The following PHTF1 variants were observed in gnomAD, a reference collection of about 807,000 sequenced individuals.
The protein encoded by PHTF1 is putative homeodomain transcription factor 1.
In PHTF1, 88 loss-of-function variants were observed where a neutral mutation model predicts 102.4. The observed-to-expected ratio is 0.86, with a 90% CI of 0.72 to 1.03. The LOEUF (loss-of-function observed/expected upper bound fraction) is 1.03. PHTF1 is among the 50% of genes least tolerant of loss of function. The pLI is 0.00. For missense variants in PHTF1, 814 were observed against 909.5 expected, an observed-to-expected ratio of 0.89 and a Z score of 1.35; for synonymous variants, 289 against 305.2, an observed-to-expected ratio of 0.95 and a Z score of 0.55.
chr1:113,758,975 G>T (rs1659300632), intron 1 of PHTF1, 48 bp downstream of exon 1: 2 of 1,105,328 alleles, frequency 1.8e-6, no homozygotes, highest in Non-Finnish European at 2.2e-6. Context: ...GCCGCCGCTG[G>T]AGTCGCCCGG....
chr1:113,699,720 G>A lies in PHTF1; in HGVS notation c.2126C>T (p.Ser709Phe). The change falls in exon 17 of 19, where the codon TCC becomes TTC. Residue 709 changes from serine to phenylalanine, a missense_variant. Ser to Phe is a radical substitution (Grantham distance 155). Transcript: ENST00000369604. ...LTLVNNVLKL[S>F]TKLLKELDTP... ...ATGACTTACTTTCAACAACTTGGTG[G>A]ACAGCTTTAATACATTGTTTACTAG... 1 of 1,437,784 alleles carries A rather than the reference G, an allele frequency of 7.0e-7. No homozygotes were observed. Among genetic ancestry groups the A allele is most frequent in the South Asian group, 1.2e-5 (1 of 82,820 alleles). 89.1% of individuals were successfully genotyped at this position (1,437,784 alleles called of 1,614,324 possible).
chr1:113,698,652 CACACACAT>C (rs1397811072), intron 17 of PHTF1, among the ~76,000 whole-genome samples: 23 of 151,126 alleles, frequency 1.5e-4, no homozygotes, highest in African/African-American at 5.4e-4. Flanking sequence ...CACACACACA[CACACACAT>C]ACACACATAT....
At chr1:113,706,296 G>C (rs989823650) in intron 12 of PHTF1, 134 bp from the exon 13 acceptor site, 2 of 829,392 alleles carry the variant, frequency 2.4e-6, no homozygotes, top group Non-Finnish European at 3.6e-6. Flanking sequence ...ACAGATTTAT[G>C]ACTTTCAAAT....
intron 17 of PHTF1, 71 bp from the exon 18 acceptor site, chr1:113,698,458 G>A (rs1377928211): frequency 2.1e-6 from 3 of 1,413,422 alleles, no homozygotes; most frequent in African/African-American, 1.4e-5. Context: ...TTCTTGCTGT[G>A]TTTTGTCTTG....
At chr1:113,743,768 T>C (rs536440816) in intron 3 of PHTF1, among the ~76,000 whole-genome samples, 25 of 152,314 alleles carry the variant, frequency 1.6e-4, no homozygotes, top group South Asian at 1.4e-3. Flanking sequence ...ATGAGGTCCA[T>C]TGATGACAGA....
intron 10 of PHTF1, among the ~76,000 whole-genome samples, chr1:113,711,316 C>T (rs1651061022): frequency 6.6e-6 from 1 of 152,192 alleles, no homozygotes; most frequent in African/African-American, 2.4e-5. Flanking sequence ...ATCTACTCTG[C>T]TCACCTCTGA....
chr1:113,702,665 A>G (rs1402201232), intron 15 of PHTF1, among the ~76,000 whole-genome samples: 1 of 152,116 alleles, frequency 6.6e-6, no homozygotes, highest in East Asian at 1.9e-4. Context: ...GAAGAAGAAG[A>G]ACGAATGAAC....
chr1:113,744,590 A>G (rs945187370), intron 3 of PHTF1, among the ~76,000 whole-genome samples: 5 of 152,214 alleles, frequency 3.3e-5, no homozygotes, highest in Non-Finnish European at 7.3e-5. Context: ...CCACAAAGAA[A>G]AATAGTATCT....
chr1:113,737,299 C>T (rs1463979709), intron 5 of PHTF1, among the ~76,000 whole-genome samples: 1 of 152,332 alleles, frequency 6.6e-6, no homozygotes, highest in East Asian at 1.9e-4. Flanking sequence ...GCAGCGCACA[C>T]ACACACAAGT....
intron 7 of PHTF1, among the ~76,000 whole-genome samples, chr1:113,719,915 AG>A (rs1652644350): frequency 1.3e-5 from 2 of 152,312 alleles, no homozygotes; most frequent in South Asian, 4.1e-4. Context: ...TCACAGCAGG[AG>A]GTGAAAGGCA....
At chr1:113,739,447 T>A (rs1352372268) in intron 3 of PHTF1, among the ~76,000 whole-genome samples, 2 of 152,196 alleles carry the variant, frequency 1.3e-5, no homozygotes, top group Non-Finnish European at 2.9e-5. Context: ...TTTTTTTTGC[T>A]TCTACTATTT....
chr1:113,730,599 G>A (rs1283499615), intron 5 of PHTF1, among the ~76,000 whole-genome samples: 6 of 152,144 alleles, frequency 3.9e-5, no homozygotes, highest in Non-Finnish European at 1.5e-5. Context: ...TAGAATTGAT[G>A]ACAAAGAGTT....
intron 11 of PHTF1, 129 bp from the exon 12 acceptor site, chr1:113,706,851 C>CTTTTTTT (rs11363653): frequency 9.3e-4 from 202 of 217,508 alleles, no homozygotes; most frequent in African/African-American, 1.7e-3. Flanking sequence ...TTCTTTCTTT[C>CTTTTTTT]TTTTTTTTTT....
In PHTF1 at chr1:113,698,793, A is replaced by G. The variant is rs149915336; in HGVS notation, c.2143-406T>C. 1,171 of 193,892 alleles carry G rather than the reference A, an allele frequency of 6.0e-3. 36 individuals carry two copies. The highest frequency in any genetic ancestry group is 0.045 in the Admixed American group (749 of 16,470). 12.0% of individuals were successfully genotyped at this position (193,892 alleles called of 1,614,324 possible). ...TTTGAATCTACACAGCCTAGCATCT[A>G]TCTCTTACTGGGTTCTGAGAAGTAA... On this transcript the variant is annotated intron_variant, in intron 17 of 18. Coordinates refer to ENST00000369604, the MANE Select transcript of PHTF1 (RefSeq NM_001323043.2).
At chr1:113,704,856 T>C in intron 13 of PHTF1, 59 bp from the exon 14 acceptor site, 1 of 1,134,526 alleles carries the variant, frequency 8.8e-7, no homozygotes, top group South Asian at 1.5e-5. Flanking sequence ...TGTATTCATA[T>C]AATTGCCAAC....
Position 113,717,711 on chromosome 1 carries a change from G to A in PHTF1, c.624-4273C>T, listed in dbSNP as rs116055009. Among the ~76,000 whole-genome samples, 1,387 of 152,158 alleles carry A rather than the reference G, an allele frequency of 9.1e-3. 26 individuals are homozygous for A. Among genetic ancestry groups the A allele is most frequent in the African/African-American group, 0.031 (1,272 of 41,502 alleles). ...TAAAAGGCACTTCTTACATGGTGGC[G>A]GGCAAGAGAAAATGAGGAAGAAGCA... is the stretch of plus-strand genomic sequence containing the variant. On this transcript the variant is annotated intron_variant, in intron 7 of 18. Transcript: ENST00000369604.
At chr1:113,753,256 C>T (rs1658351840) in intron 3 of PHTF1, among the ~76,000 whole-genome samples, 1 of 152,152 alleles carries the variant, frequency 6.6e-6, no homozygotes, top group Non-Finnish European at 1.5e-5. Context: ...CAGGGTAATA[C>T]TAGTCTCATA....
At chr1:113,699,862 T>G in intron 16 of PHTF1, 63 bp from the exon 17 acceptor site, 1 of 731,634 alleles carries the variant, frequency 1.4e-6, no homozygotes. Flanking sequence ...CTGCATAAAA[T>G]CTGGCATATT....
intron 6 of PHTF1, chr1:113,725,479 T>C (rs991185185): frequency 6.6e-6 from 1 of 152,150 alleles, no homozygotes; most frequent in African/African-American, 2.4e-5. Flanking sequence ...TAATGGAAAA[T>C]TCTTATTTAG....
Sources: allele counts gnomAD v4.1 joint callset (sites outside exome capture counted in the v4.1 genomes callset), GRCh38; gene constraint gnomAD v4.1.1; transcripts MANE v1.5; gene names NCBI Gene and HGNC (gene_info 2026-07-23, HGNC 2026-07-21).